RHBDD1: variants seen among roughly 807,000 people sequenced by gnomAD.
RHBDD1 encodes the protein rhomboid-related protein 4.
RHBDD1 carries 38 observed loss-of-function variants against 36.3 expected under a neutral mutation model. The observed-to-expected ratio is 1.05, with a 90% CI of 0.81 to 1.37. The LOEUF (loss-of-function observed/expected upper bound fraction) is 1.37. Ranked by LOEUF, RHBDD1 falls within the 40% of genes most tolerant of loss-of-function variation. The pLI, the probability that RHBDD1 is intolerant of heterozygous loss-of-function variation, is 0.00. For missense variants in RHBDD1, 393 were observed against 377.6 expected (o/e 1.04, Z -0.34); for synonymous variants, 151 against 136.5 (o/e 1.11, Z -0.74).
At position 226,994,088 on chromosome 2, in the gene RHBDD1, C is replaced by T. The variant is rs554388216; in HGVS notation, c.857-1343C>T. The stretch of plus-strand genomic sequence containing the variant: ...GCTGCTGCTTTTGAGAGCTGGACTG[C>T]GGGCACCTTCCCAGTCTGCCTCTTC... On this transcript the variant is annotated intron_variant, in intron 8 of 8. Transcript: ENST00000392062. 5.9e-5 allele frequency among the ~76,000 whole-genome samples: 9 copies of T among 152,316 alleles called. No individual in the cohort carries two copies. The South Asian group carries it at 1.5e-3, about 25-fold the overall frequency.
rs191865952 is a variant in RHBDD1, at chr2:226,976,616, A to G, written c.857-18815A>G. ...TACCTTAAGCTCATCTAGAACACTT[A>G]GAGGAAGAGAAGAGACCCCAGTCCA... On this transcript the variant is annotated intron_variant, in intron 8 of 8. Transcript: ENST00000392062. 3.1e-4 allele frequency among the ~76,000 whole-genome samples: 47 copies of G among 152,260 alleles called. 1 individual carries two copies. Among genetic ancestry groups the G allele is most frequent in the Non-Finnish European group, 1.0e-4 (7 of 68,030 alleles).
rs571350090 is a variant in RHBDD1, at chr2:226,980,073, A to G, written c.857-15358A>G. ...TAGTGGGGGCATTTCTGAGAAGGGC[A>G]GCCTGGAAAGGGGGTCATTAGTGTA... On this transcript the variant is annotated intron_variant, in intron 8 of 8. Coordinates refer to ENST00000392062, the MANE Select transcript of RHBDD1 (RefSeq NM_001167608.3). Among the ~76,000 whole-genome samples, 15 of 152,312 alleles carry G rather than the reference A, an allele frequency of 9.8e-5. No homozygotes were observed. The East Asian group carries it at 2.7e-3, about 27-fold the overall frequency.
chr2:226,858,261 A>G (rs1286957705), intron 3 of RHBDD1, among the ~76,000 whole-genome samples: 1 of 152,230 alleles, frequency 6.6e-6, no homozygotes, highest in Non-Finnish European at 1.5e-5. Flanking sequence ...AGTGCTAATG[A>G]TATAGCATTA....
At chr2:226,989,378 T>TA (rs1452708889) in intron 8 of RHBDD1, among the ~76,000 whole-genome samples, 1 of 152,152 alleles carries the variant, frequency 6.6e-6, no homozygotes. Flanking sequence ...TACTGTTGGG[T>TA]AACGGGGTAT....
rs962701323 is a variant in RHBDD1 at position 226,998,531 on chromosome 2, C to G, written c.*3009C>G. On this transcript the variant is annotated 3_prime_UTR_variant, in exon 9 of 9. Coordinates refer to ENST00000392062, the MANE Select transcript of RHBDD1 (RefSeq NM_001167608.3). ...TAGTCAAAAAATATATATATAACTT[C>G]TTCCTTTCCCTTCCCATGAATCATT... 2.0e-5 allele frequency: 3 copies of G among 152,100 alleles called. No homozygotes were observed. Among genetic ancestry groups the G allele is most frequent in the Non-Finnish European group, 4.4e-5 (3 of 68,022 alleles). 9.4% of individuals were successfully genotyped at this position (152,100 alleles called of 1,614,324 possible). A position where few individuals can be genotyped will look rare whatever the true frequency, so the allele number is the denominator to read the frequency against.
intron 8 of RHBDD1, among the ~76,000 whole-genome samples, chr2:226,952,890 A>G (rs1456425242): frequency 6.6e-6 from 1 of 151,920 alleles, no homozygotes; most frequent in Non-Finnish European, 1.5e-5. Flanking sequence ...TGCTAACCAA[A>G]GAGAAGGGCA....
intron 5 of RHBDD1, among the ~76,000 whole-genome samples, chr2:226,873,597 G>T (rs1371109831): frequency 6.6e-6 from 1 of 152,190 alleles, no homozygotes; most frequent in African/African-American, 2.4e-5. Context: ...TGACTCTGGG[G>T]AAGGGAAAGT....
intron 8 of RHBDD1, among the ~76,000 whole-genome samples, chr2:226,979,320 G>A (rs183769324): frequency 1.4e-4 from 21 of 152,268 alleles, no homozygotes; most frequent in Admixed American, 8.5e-4. Context: ...ATAGAAGGGT[G>A]AGAAAAGCAG....
chr2:226,848,824 C>T (rs1197151825), intron 3 of RHBDD1, among the ~76,000 whole-genome samples: 1 of 152,154 alleles, frequency 6.6e-6, no homozygotes, highest in Non-Finnish European at 1.5e-5. Flanking sequence ...AAAATCCCTG[C>T]TCATCTATAA....
intron 3 of RHBDD1, among the ~76,000 whole-genome samples, chr2:226,842,269 G>T (rs930401878): frequency 5.9e-5 from 9 of 152,010 alleles, no homozygotes; most frequent in African/African-American, 2.2e-4. Flanking sequence ...AGTCTCTTTT[G>T]CTGTGCAGAA....
chr2:226,959,573 A>G (rs1280973475), intron 8 of RHBDD1, among the ~76,000 whole-genome samples: 1 of 152,148 alleles, frequency 6.6e-6, no homozygotes, highest in African/African-American at 2.4e-5. Flanking sequence ...TCATATCACT[A>G]TGTGTGTTAA....
At chr2:226,834,690 G>GT (rs1365054672), upstream of RHBDD1, among the ~76,000 whole-genome samples, 6 of 152,182 alleles carry the variant, frequency 3.9e-5, no homozygotes, top group Non-Finnish European at 7.4e-5. Flanking sequence ...TAAACAAAGA[G>GT]TAACACTAAA....
chr2:226,815,519 T>A, the RHBDD1 span, among the ~76,000 whole-genome samples: 1 of 152,196 alleles, frequency 6.6e-6, no homozygotes, highest in Non-Finnish European at 1.5e-5. Flanking sequence ...ACTTCTTAAT[T>A]CCTCTAGGTA....
At chr2:226,927,868 G>A (rs1383033441) in intron 8 of RHBDD1, among the ~76,000 whole-genome samples, 1 of 152,038 alleles carries the variant, frequency 6.6e-6, no homozygotes, top group Non-Finnish European at 1.5e-5. Flanking sequence ...CATAAGATAG[G>A]TGATTTGCAA....
At chr2:226,888,627 A>G (rs1289865043) in intron 5 of RHBDD1, among the ~76,000 whole-genome samples, 1 of 150,726 alleles carries the variant, frequency 6.6e-6, no homozygotes, top group Non-Finnish European at 1.5e-5. Flanking sequence ...TTTTCTTTTT[A>G]AGGTGTGGCA....
intron 6 of RHBDD1, 200 bp from the exon 7 acceptor site, chr2:226,908,619 ACAT>A: frequency 7.0e-6 from 4 of 568,192 alleles, no homozygotes; most frequent in Non-Finnish European, 6.3e-6. Flanking sequence ...ACACACACAC[ACAT>A]TCTTTTCCCT....
At chr2:226,855,660 T>C (rs1943251321) in intron 3 of RHBDD1, among the ~76,000 whole-genome samples, 1 of 152,220 alleles carries the variant, frequency 6.6e-6, no homozygotes, top group Non-Finnish European at 1.5e-5. Context: ...AACCATTGTA[T>C]TAAAGGTCTC....
rs775788496 is a variant in RHBDD1 at position 226,865,172 on chromosome 2, G to C, written c.433+46G>C. The C allele has an allele frequency of 4.2e-6, 6 of 1,416,736 alleles. No homozygotes were observed. In the African/African-American group the frequency reaches 7.2e-5, roughly 17 times the overall value. The allele number at this position is 1,416,736 out of a possible 1,614,324, so 87.8% of individuals were successfully genotyped here. On this transcript the variant is annotated intron_variant, in intron 4 of 8. Transcript: ENST00000392062. The stretch of plus-strand genomic sequence containing the variant: ...AGGTTGCATGCATAAAGGAAGCAAG[G>C]GAGGTGTGGCTGCTGTCATTTTATG...
At chr2:226,811,610 G>T in the RHBDD1 span, among the ~76,000 whole-genome samples, 55 of 152,076 alleles carry the variant, frequency 3.6e-4, no homozygotes, top group African/African-American at 1.2e-3. Flanking sequence ...GCCAATAGTG[G>T]AATTGTTGCC....
Sources: gnomAD v4.1 joint callset for allele counts (sites outside exome capture counted in the v4.1 genomes callset) on GRCh38, gnomAD v4.1.1 for gene constraint, MANE v1.5 for transcripts, NCBI Gene and HGNC (gene_info 2026-07-23, HGNC 2026-07-21) for gene names.